MMD: variants seen among roughly 807,000 people sequenced by gnomAD.
MMD encodes the protein monocyte to macrophage differentiation associated, also known as monocyte to macrophage differentiation factor.
A neutral mutation model predicts 33.6 loss-of-function variants in MMD; 22 were observed. The observed-to-expected ratio is 0.66, with a 90% CI of 0.47 to 0.94. The LOEUF is 0.94. MMD is among the 40% of genes least tolerant of loss of function. The pLI is 0.00. For missense variants in MMD, 242 were observed against 309.8 expected (o/e 0.78, Z 1.64); for synonymous variants, 97 against 103.2 (o/e 0.94, Z 0.36).
At chr17:55,404,634 G>T (rs976019074) in intron 4 of MMD, 8 of 984,900 alleles carry the variant, frequency 8.1e-6, no homozygotes, top group African/African-American at 1.7e-5. Context: ...CAGTCTCTCT[G>T]CCAAGAGAGA....
rs1899309985 is a variant in MMD at position 55,414,354 on chromosome 17, T to C, written c.27-122A>G. 4.5e-6 allele frequency: 4 copies of C among 893,810 alleles called. No individual in the cohort carries two copies. In the Admixed American group the frequency reaches 8.2e-5, roughly 18 times the overall value. The allele number at this position is 893,810 out of a possible 1,614,324, so 55.4% of individuals were successfully genotyped here. ...GAAGTGACTGGTGGAAATACCCAGTTGCGGTAATAAAGCCAAAGCCACTAA... is the reference window on the plus strand; with the variant it reads ...GAAGTGACTGGTGGAAATACCCAGTCGCGGTAATAAAGCCAAAGCCACTAA... On this transcript the variant is annotated intron_variant, in intron 1 of 6. Transcript: ENST00000262065.
In MMD at chr17:55,401,522, G is replaced by A; in HGVS notation, c.463C>T (p.Leu155Phe). 1 of 1,611,978 alleles carries A rather than the reference G, an allele frequency of 6.2e-7. No homozygotes were observed. The highest frequency in any genetic ancestry group is 8.5e-7 in the Non-Finnish European group (1 of 1,179,134). The change falls in exon 6 of 7, where the codon CTC becomes TTC. Residue 155 changes from leucine (L) to phenylalanine (F), a missense_variant. Leu to Phe is a conservative substitution (Grantham distance 22). Transcript: ENST00000262065. ...LYHEKYKVVE[L>F]FFYLTMGFSP... ...AATCCCATTGTGAGATAGAAAAAGA[G>A]TTCAACCACCTTATATCTGCAGGAA...
intron 2 of MMD, among the ~76,000 whole-genome samples, chr17:55,412,846 G>A (rs1907816976): frequency 6.6e-6 from 1 of 151,944 alleles, no homozygotes; most frequent in Non-Finnish European, 1.5e-5. Flanking sequence ...AAAACAAAAT[G>A]TATTTCATTT....
At chr17:55,413,422 A>ATACATACATATTC (rs1907839882) in intron 2 of MMD, among the ~76,000 whole-genome samples, 1 of 152,162 alleles carries the variant, frequency 6.6e-6, no homozygotes, top group South Asian at 2.1e-4. Context: ...AAAACTGAAA[A>ATACATACATATTC]TACATACATA....
At chr17:55,408,326 G>A (rs540526071) in intron 3 of MMD, among the ~76,000 whole-genome samples, 1 of 152,166 alleles carries the variant, frequency 6.6e-6, no homozygotes, top group Admixed American at 6.5e-5. Context: ...ATATCCTGGT[G>A]TGGACAGTAA....
At chr17:55,403,654 A>G in intron 5 of MMD, 113 bp downstream of exon 5, 5 of 654,796 alleles carry the variant, frequency 7.6e-6, no homozygotes, top group Non-Finnish European at 1.0e-5. Context: ...AACATATTCT[A>G]TATATGTATT....
At chr17:55,412,670 T>C (rs1440044371) in intron 2 of MMD, among the ~76,000 whole-genome samples, 1 of 152,192 alleles carries the variant, frequency 6.6e-6, no homozygotes, top group African/African-American at 2.4e-5. Context: ...GAGACTGGCA[T>C]GAGTTTTTCA....
intron 5 of MMD, among the ~76,000 whole-genome samples, chr17:55,401,840 G>A (rs576985818): frequency 4.5e-4 from 68 of 152,184 alleles, no homozygotes; most frequent in Non-Finnish European, 7.8e-4. Flanking sequence ...TTGGGAAGCC[G>A]AGGCGGGCGG....
At chr17:55,408,035 T>C (rs377517458) in intron 3 of MMD, among the ~76,000 whole-genome samples, 1 of 152,182 alleles carries the variant, frequency 6.6e-6, no homozygotes, top group South Asian at 2.1e-4. Context: ...TACAATAGAT[T>C]CTCTCAGCAT....
At chr17:55,402,278 T>C (rs1192231755) in intron 5 of MMD, among the ~76,000 whole-genome samples, 1 of 152,110 alleles carries the variant, frequency 6.6e-6, no homozygotes, top group Admixed American at 6.5e-5. Context: ...GGAGCCTAGT[T>C]TATCAGCAAA....
At chr17:55,397,794 A>G (rs914462596) in intron 6 of MMD, among the ~76,000 whole-genome samples, 1 of 152,116 alleles carries the variant, frequency 6.6e-6, no homozygotes, top group Non-Finnish European at 1.5e-5. Flanking sequence ...CACCCGCCTC[A>G]GCCTCCAACG....
intron 6 of MMD, among the ~76,000 whole-genome samples, chr17:55,399,316 C>T (rs537033519): frequency 6.6e-6 from 1 of 152,192 alleles, no homozygotes; most frequent in Admixed American, 6.5e-5. Context: ...AGTCTGAGAC[C>T]CATGATTCTG....
At chr17:55,405,653 G>T (rs73993241) in intron 4 of MMD, among the ~76,000 whole-genome samples, 2,698 of 151,576 alleles carry the variant, frequency 0.018, 76 homozygotes, top group African/African-American at 0.061. Flanking sequence ...CATTGTTCTG[G>T]GCATTTAATG....
intron 6 of MMD, among the ~76,000 whole-genome samples, chr17:55,401,152 C>CA (rs1907312725): frequency 6.6e-6 from 1 of 152,044 alleles, no homozygotes; most frequent in Non-Finnish European, 1.5e-5. Flanking sequence ...GTTGCTGGCA[C>CA]ACTTCATTAT....
At chr17:55,409,438 T>C (rs1907679199) in intron 3 of MMD, among the ~76,000 whole-genome samples, 1 of 152,228 alleles carries the variant, frequency 6.6e-6, no homozygotes, top group African/African-American at 2.4e-5. Context: ...TGGAATCTTA[T>C]CCAAAATCTG....
At chr17:55,404,498 CTG>C (rs1204791317) in intron 4 of MMD, 2 of 985,282 alleles carry the variant, frequency 2.0e-6, no homozygotes, top group Non-Finnish European at 2.4e-6. Flanking sequence ...CCTTTAATTT[CTG>C]ACCATGTATT....
At chr17:55,404,371 A>T in intron 4 of MMD, 1 of 744,896 alleles carries the variant, frequency 1.3e-6, no homozygotes, top group Non-Finnish European at 1.6e-6. Flanking sequence ...AAAAAGAATT[A>T]GTTTCAACAT....
chr17:55,400,530 A>AG (rs1451131877), intron 6 of MMD, among the ~76,000 whole-genome samples: 1 of 149,310 alleles, frequency 6.7e-6, no homozygotes, highest in Non-Finnish European at 1.5e-5. Context: ...GCTGGGCAAC[A>AG]GAGCAAGACT....
Position 55,394,514 on chromosome 17 carries a change from C to T in MMD, c.537G>A (p.Gln179=), listed in dbSNP as rs752341298. 1.3e-6 allele frequency: 2 copies of T among 1,516,030 alleles called. No homozygotes were observed. The highest frequency in any genetic ancestry group is 2.4e-5 in the Admixed American group (1 of 42,052). 93.9% of individuals were successfully genotyped at this position (1,516,030 alleles called of 1,614,324 possible). Residue 179 remains glutamine, a synonymous_variant, in exon 7 of 7, where the codon CAG becomes CAA. Transcript: ENST00000262065. ...AAATTAAGCCCCCACAGGCAAGTTC[C>T]TGAAGTCCATCGGTGTTGTTCTGTC... The part of the protein sequence containing the change: ...VTSMNNTDGL[Q]ELACGGLIYC...
Sources: allele counts gnomAD v4.1 joint callset (sites outside exome capture counted in the v4.1 genomes callset), GRCh38; gene constraint gnomAD v4.1.1; transcripts MANE v1.5; gene names NCBI Gene and HGNC (gene_info 2026-07-23, HGNC 2026-07-21).